STAG2: variants seen among roughly 807,000 people sequenced by gnomAD.
The protein encoded by STAG2 is STAG2 cohesin complex component.
A neutral mutation model predicts 108.1 loss-of-function variants in STAG2; 14 were observed. That is an observed-to-expected ratio of 0.13 (90% CI 0.09 to 0.20). The LOEUF is 0.20. STAG2 is among the 10% of genes least tolerant of loss of function. The pLI, the probability that STAG2 is intolerant of heterozygous loss-of-function variation, is 1.00. For missense variants in STAG2, 440 were observed against 940.9 expected (o/e 0.47, Z 6.96); for synonymous variants, 307 against 302.7 (o/e 1.01, Z -0.15).
At chrX:123,992,554 T>G (rs1272120560) in intron 1 of STAG2, among the ~76,000 whole-genome samples, 1 of 110,413 alleles carries the variant, frequency 9.1e-6, no homozygotes, top group Non-Finnish European at 1.9e-5. Flanking sequence ...TGTGTTTTTC[T>G]TGGAGACAGG....
chrX:124,077,031 C>T lies in STAG2; in HGVS notation c.2673+560C>T, dbSNP rs914154070. On this transcript the variant is annotated intron_variant, in intron 26 of 34. Coordinates refer to ENST00000371145, the MANE Select transcript of STAG2 (RefSeq NM_001042750.2). ...GATAAACAGGATATTGTTGATTATA[C>T]TAACAGAATGTGACTAAATGTGGTA... Among the ~76,000 whole-genome samples, 5 of 111,285 alleles carry T rather than the reference C, an allele frequency of 4.5e-5. No homozygotes were observed. In the South Asian group the frequency reaches 1.9e-3, roughly 42 times the overall value.
At chrX:124,001,423 A>T (rs2056037483) in intron 1 of STAG2, among the ~76,000 whole-genome samples, 1 of 111,457 alleles carries the variant, frequency 9.0e-6, no homozygotes, top group African/African-American at 3.3e-5. Flanking sequence ...AGTGTCTCCT[A>T]AATGTACAGT....
intron 25 of STAG2, among the ~76,000 whole-genome samples, chrX:124,071,571 C>T: frequency 9.0e-6 from 1 of 111,644 alleles, no homozygotes; most frequent in South Asian, 3.7e-4. Context: ...TAATTTCTAA[C>T]TACCTCATAA....
chrX:124,087,845 G>A (rs2059144167), intron 30 of STAG2, among the ~76,000 whole-genome samples: 1 of 112,147 alleles, frequency 8.9e-6, no homozygotes, highest in Admixed American at 9.5e-5. Context: ...AGTGCTTAGT[G>A]TTTAAAACTT....
intron 25 of STAG2, among the ~76,000 whole-genome samples, chrX:124,073,158 A>G (rs1454097530): frequency 1.8e-5 from 2 of 111,208 alleles, no homozygotes; most frequent in Admixed American, 9.7e-5. Flanking sequence ...CTAACAACTG[A>G]AGTTAATCCA....
chrX:124,068,548 G>A lies in STAG2; in HGVS notation c.2266-16G>A. 8.8e-7 allele frequency: 1 copy of A among 1,133,044 alleles called. No individual in the cohort carries two copies. Among genetic ancestry groups the A allele is most frequent in the South Asian group, 2.0e-5 (1 of 49,702 alleles). The allele number at this position is 1,133,044 out of a possible 1,213,427, so 93.4% of individuals were successfully genotyped here. ...TATACAATATTTTTTAAAAGTTAATGTTAAATTTTTTCAAGGAGGACTTGC... is the reference window on the plus strand; with the variant it reads ...TATACAATATTTTTTAAAAGTTAATATTAAATTTTTTCAAGGAGGACTTGC... On this transcript the variant is annotated splice_polypyrimidine_tract_variant and intron_variant, in intron 23 of 34. Transcript: ENST00000371145.
At chrX:123,972,501 G>T (rs2054401817) in intron 1 of STAG2, among the ~76,000 whole-genome samples, 1 of 108,693 alleles carries the variant, frequency 9.2e-6, no homozygotes, top group South Asian at 4.0e-4. Flanking sequence ...TTGATCTCCT[G>T]ACCTCGTGAT....
chrX:124,069,185 A>G (rs777489193), intron 24 of STAG2, among the ~76,000 whole-genome samples: 14 of 112,220 alleles, frequency 1.2e-4, no homozygotes, highest in African/African-American at 3.5e-4. Flanking sequence ...CAGTTCTCGA[A>G]ATAGACTGTT....
chrX:124,003,009 C>T, intron 1 of STAG2, among the ~76,000 whole-genome samples: 1 of 107,819 alleles, frequency 9.3e-6, no homozygotes, highest in Non-Finnish European at 1.9e-5. Flanking sequence ...GTTCTGTCAC[C>T]CAGGCTGGTG....
chrX:124,024,055 A>G (rs910130600), intron 3 of STAG2, among the ~76,000 whole-genome samples: 3 of 111,972 alleles, frequency 2.7e-5, no homozygotes, highest in African/African-American at 9.7e-5. Context: ...AGCATTGAAG[A>G]ACGGCTTAGG....
At chrX:123,987,985 C>T (rs748100950) in intron 1 of STAG2, among the ~76,000 whole-genome samples, 6 of 111,746 alleles carry the variant, frequency 5.4e-5, no homozygotes, top group Non-Finnish European at 1.1e-4. Flanking sequence ...TCTACAAAGT[C>T]ATACAGGCAT....
At chrX:124,039,640 CTTTT>C (rs11352016) in intron 6 of STAG2, among the ~76,000 whole-genome samples, 1 of 90,620 alleles carries the variant, frequency 1.1e-5, no homozygotes. Context: ...TTCTTTCTTT[CTTTT>C]TTTTTTTTTT....
intron 1 of STAG2, among the ~76,000 whole-genome samples, chrX:123,983,975 T>TTTTCTTTTTA: frequency 2.3e-5 from 1 of 43,096 alleles, no homozygotes; most frequent in Admixed American, 2.3e-4. Flanking sequence ...TTTTCTTTTC[T>TTTTCTTTTTA]TTTTTTTTTT....
At chrX:124,063,368 G>A (rs1023274079) in intron 19 of STAG2, among the ~76,000 whole-genome samples, 163 bp downstream of exon 19, 1 of 111,584 alleles carries the variant, frequency 9.0e-6, no homozygotes, top group Non-Finnish European at 1.9e-5. Context: ...CAGAATGGCG[G>A]TAATGATGCT....
At chrX:123,988,676 G>A (rs1320548798) in intron 1 of STAG2, among the ~76,000 whole-genome samples, 1 of 111,698 alleles carries the variant, frequency 9.0e-6, no homozygotes, top group Non-Finnish European at 1.9e-5. Context: ...AAAAAGACTG[G>A]TTGAGGTGTT....
At chrX:124,085,385 T>C (rs971879940) in intron 29 of STAG2, among the ~76,000 whole-genome samples, 2 of 111,298 alleles carry the variant, frequency 1.8e-5, no homozygotes, top group Non-Finnish European at 3.8e-5. Flanking sequence ...GGCTCAAGTT[T>C]TGTATCTTGT....
chrX:124,018,525 G>T (rs2056813560), intron 1 of STAG2, among the ~76,000 whole-genome samples: 1 of 110,935 alleles, frequency 9.0e-6, no homozygotes, highest in Non-Finnish European at 1.9e-5. Flanking sequence ...TGGATTGACA[G>T]AGTCTTACCC....
intron 29 of STAG2, among the ~76,000 whole-genome samples, chrX:124,085,159 ACAAACAG>A (rs1288261268): frequency 1.8e-5 from 2 of 112,328 alleles, no homozygotes; most frequent in Non-Finnish European, 1.9e-5. Flanking sequence ...TTCATTGAGT[ACAAACAG>A]CAAAGTACAA....
At chrX:124,050,700 T>G (rs1304124893) in intron 11 of STAG2, among the ~76,000 whole-genome samples, 3 of 111,799 alleles carry the variant, frequency 2.7e-5, no homozygotes, top group African/African-American at 9.7e-5. Context: ...AGATTATACC[T>G]TACTACTTGG....
Sources: gnomAD v4.1 joint callset for allele counts (sites outside exome capture counted in the v4.1 genomes callset) on GRCh38, gnomAD v4.1.1 for gene constraint, MANE v1.5 for transcripts, NCBI Gene and HGNC (gene_info 2026-07-23, HGNC 2026-07-21) for gene names.